The following UBE2Q1 variants were observed in gnomAD, a reference collection of about 807,000 sequenced individuals.
UBE2Q1 encodes ubiquitin conjugating enzyme E2 Q1.
In UBE2Q1, 6 loss-of-function variants were observed where a neutral mutation model predicts 60.1. That is an observed-to-expected ratio of 0.10 (90% CI 0.05 to 0.20). UBE2Q1 has a LOEUF of 0.20. Among genes scored for constraint, UBE2Q1 ranks in the 10% least tolerant of loss-of-function variants. The pLI, the probability that UBE2Q1 is intolerant of heterozygous loss-of-function variation, is 1.00. For synonymous variants in UBE2Q1, 226 were observed against 208.3 expected (o/e 1.09, Z -0.73); for missense variants, 262 against 525.8 (o/e 0.50, Z 4.91).
intron 4 of UBE2Q1, 61 bp from the exon 5 acceptor site, chr1:154,553,233 A>G (rs1028323611): frequency 4.4e-6 from 7 of 1,574,520 alleles, no homozygotes; most frequent in Non-Finnish European, 6.0e-6. Flanking sequence ...AGGTTAGAGA[A>G]TGACCATCAC....
chr1:154,555,627 A>T, intron 2 of UBE2Q1, 95 bp from the exon 3 acceptor site: 1 of 1,218,550 alleles, frequency 8.2e-7, no homozygotes, highest in African/African-American at 1.5e-5. Flanking sequence ...CACACCAATA[A>T]CTAGTTCTCT....
rs994457932 is a variant in UBE2Q1, at chr1:154,549,548, A to C, written c.*890T>G. On this transcript the variant is annotated 3_prime_UTR_variant, in exon 13 of 13. Transcript: ENST00000292211. ...GAACAGCGAAGAGTTGCAGCCACACAGCTGAGATCAGAAAAGACCACATAC... is the reference window on the plus strand; with the variant it reads ...GAACAGCGAAGAGTTGCAGCCACACCGCTGAGATCAGAAAAGACCACATAC... 1 of 152,566 alleles carries C rather than the reference A, an allele frequency of 6.6e-6. No individual in the cohort carries two copies. Among genetic ancestry groups the C allele is most frequent in the Non-Finnish European group, 1.5e-5 (1 of 68,086 alleles). The allele number at this position is 152,566 out of a possible 1,614,324, so 9.5% of individuals were successfully genotyped here. A position where few individuals can be genotyped will look rare whatever the true frequency, so the allele number is the denominator to read the frequency against.
Position 154,551,698 on chromosome 1 carries a change from T to C in UBE2Q1, c.1074+73A>G, listed in dbSNP as rs373059309. 12 of 1,591,386 alleles carry C rather than the reference T, an allele frequency of 7.5e-6. No homozygotes were observed. The African/African-American group carries it at 8.1e-5, about 11-fold the overall frequency. Reference sequence around the variant, plus strand: ...CACATCATGTCTATCACCCAGCCCGTAGGGGTGTGTGCTGTAAAGCTCAGA... The same window carrying C: ...CACATCATGTCTATCACCCAGCCCGCAGGGGTGTGTGCTGTAAAGCTCAGA... On this transcript the variant is annotated intron_variant, in intron 10 of 12. Transcript: ENST00000292211.
chr1:154,552,555 G>A (rs77412635), intron 6 of UBE2Q1, 91 bp from the exon 7 acceptor site: 21,791 of 1,521,184 alleles, frequency 0.014, 694 homozygotes, highest in African/African-American at 0.13. Context: ...GAGAGAAAAA[G>A]ATCAACAGCT....
At position 154,549,319 on chromosome 1, in the gene UBE2Q1, T is replaced by C. The variant is rs1370341017; in HGVS notation, c.*1119A>G. The C allele has an allele frequency of 2.6e-5, 4 of 152,222 alleles. No individual in the cohort carries two copies. Among genetic ancestry groups the C allele is most frequent in the African/African-American group, 9.6e-5 (4 of 41,454 alleles). The allele number at this position is 152,222 out of a possible 1,614,324, so 9.4% of individuals were successfully genotyped here. On this transcript the variant is annotated 3_prime_UTR_variant, in exon 13 of 13. Transcript: ENST00000292211. ...ACACAGGTGTATAGAACAACCCCCC[T>C]TAAAATGCTAACCCTTTCTAGTAGG... is the stretch of plus-strand genomic sequence containing the variant.
At position 154,555,775 on chromosome 1, in the gene UBE2Q1, A is replaced by G. The variant is rs1695874214; in HGVS notation, c.432+85T>C. The G allele has an allele frequency of 6.2e-6, 8 of 1,295,912 alleles. No homozygotes were observed. The Admixed American group carries it at 1.4e-4, about 23-fold the overall frequency. The allele number at this position is 1,295,912 out of a possible 1,614,324, so 80.3% of individuals were successfully genotyped here. A position where few individuals can be genotyped will look rare whatever the true frequency, so the allele number is the denominator to read the frequency against. On this transcript the variant is annotated intron_variant, in intron 2 of 12. Transcript: ENST00000292211. Reference sequence around the variant, plus strand: ...CTAAATGTTTAGCTGTGTACCGTCCACTTTTCAGGATCCCTTTCACAGGAT... The same window carrying G: ...CTAAATGTTTAGCTGTGTACCGTCCGCTTTTCAGGATCCCTTTCACAGGAT...
In UBE2Q1 at chr1:154,552,380, T is replaced by A. The variant is rs762921384; in HGVS notation, c.875+24A>T. ...ACTCACACTCCTCCTCAACTTCCTCTCCAATCCCAGAGTCCCCACTCACTT... is the reference window on the plus strand; with the variant it reads ...ACTCACACTCCTCCTCAACTTCCTCACCAATCCCAGAGTCCCCACTCACTT... On this transcript the variant is annotated intron_variant, in intron 7 of 12. Coordinates refer to ENST00000292211, the MANE Select transcript of UBE2Q1 (RefSeq NM_017582.7). 1.9e-6 allele frequency: 3 copies of A among 1,613,632 alleles called. No homozygotes were observed. In the Admixed American group the frequency reaches 5.0e-5, roughly 27 times the overall value.
chr1:154,555,082 C>T (rs1695859643), intron 3 of UBE2Q1: 2 of 506,496 alleles, frequency 3.9e-6, no homozygotes, highest in Non-Finnish European at 7.0e-6. Context: ...TTTACTTGAT[C>T]TTCTTTAGAC....
intron 1 of UBE2Q1, among the ~76,000 whole-genome samples, chr1:154,556,729 T>C (rs1695895489): frequency 6.6e-6 from 1 of 152,200 alleles, no homozygotes; most frequent in Non-Finnish European, 1.5e-5. Context: ...GTCTCCTTTA[T>C]AGCCATGGGG....
chr1:154,555,317 T>G, intron 3 of UBE2Q1, 111 bp downstream of exon 3: 1 of 915,330 alleles, frequency 1.1e-6, no homozygotes, highest in Non-Finnish European at 1.8e-6. Flanking sequence ...ACGTGTATGT[T>G]TTTGGGAGCC....
In UBE2Q1 at chr1:154,549,440, C is replaced by T. The variant is rs1339855402; in HGVS notation, c.*998G>A. 1 of 152,386 alleles carries T rather than the reference C, an allele frequency of 6.6e-6. No individual in the cohort carries two copies. Among genetic ancestry groups the T allele is most frequent in the Non-Finnish European group, 1.5e-5 (1 of 68,054 alleles). 9.4% of individuals were successfully genotyped at this position (152,386 alleles called of 1,614,324 possible). A position where few individuals can be genotyped will look rare whatever the true frequency, so the allele number is the denominator to read the frequency against. ...TTCTTTTTGATAAAGCCAAATGAAG[C>T]AAGAGAGAGGGAGGTGAGCAAAGCT... On this transcript the variant is annotated 3_prime_UTR_variant, in exon 13 of 13. Coordinates refer to ENST00000292211, the MANE Select transcript of UBE2Q1 (RefSeq NM_017582.7).
At chr1:154,552,232 C>T in intron 7 of UBE2Q1, 49 bp from the exon 8 acceptor site, 1 of 1,609,726 alleles carries the variant, frequency 6.2e-7, no homozygotes, top group South Asian at 1.1e-5. Context: ...ACCTCAGGAG[C>T]TTCATAAGGG....
rs1695768350 is a variant in UBE2Q1, at chr1:154,550,069, T to C, written c.*369A>G. 2 of 208,320 alleles carry C rather than the reference T, an allele frequency of 9.6e-6. No individual in the cohort carries two copies. Among genetic ancestry groups the C allele is most frequent in the Non-Finnish European group, 1.9e-5 (2 of 104,382 alleles). 12.9% of individuals were successfully genotyped at this position (208,320 alleles called of 1,614,324 possible). ...TACACTGTAACCAAAAAAAGCAGTG[T>C]ACATGAAATAAGAGAAAATAAATTA... On this transcript the variant is annotated 3_prime_UTR_variant, in exon 13 of 13. Transcript: ENST00000292211.
intron 7 of UBE2Q1, 105 bp from the exon 8 acceptor site, chr1:154,552,288 C>A: frequency 6.3e-7 from 1 of 1,591,504 alleles, no homozygotes; most frequent in Non-Finnish European, 8.6e-7. Context: ...ACTGCCCACA[C>A]CCGCTCCGGG....
At chr1:154,553,601 G>A (rs1695831851) in intron 4 of UBE2Q1, 1 of 162,162 alleles carries the variant, frequency 6.2e-6, no homozygotes, top group Non-Finnish European at 1.4e-5. Flanking sequence ...AGTTCTCAGG[G>A]CCCCAAGCCT....
intron 10 of UBE2Q1, 49 bp downstream of exon 10, chr1:154,551,722 G>C (rs372447821): frequency 9.3e-6 from 15 of 1,612,218 alleles, no homozygotes; most frequent in Non-Finnish European, 1.0e-5. Flanking sequence ...GTAAAGCTCA[G>C]ACAATCCCCG....
chr1:154,552,621 C>A, intron 6 of UBE2Q1, 115 bp downstream of exon 6: 1 of 1,443,090 alleles, frequency 6.9e-7, no homozygotes, highest in Non-Finnish European at 9.5e-7. Flanking sequence ...GAGCTCCATT[C>A]TTGGCCTGAA....
rs1208776824 is a variant in UBE2Q1, at chr1:154,548,807, T to TTTA, written c.*1628_*1630dup. On this transcript the variant is annotated 3_prime_UTR_variant, in exon 13 of 13. Coordinates refer to ENST00000292211, the MANE Select transcript of UBE2Q1 (RefSeq NM_017582.7). ...CGTCTTTATCTCAACCTCAGCATGT[T>TTTA]TTATTAGCACCCCTAATTAGGTGGG... is the stretch of plus-strand genomic sequence containing the variant. 6.6e-6 allele frequency: 1 copy of TTTA among 152,560 alleles called. No homozygotes were observed. The highest frequency in any genetic ancestry group is 1.5e-5 in the Non-Finnish European group (1 of 68,024). 9.5% of individuals were successfully genotyped at this position (152,560 alleles called of 1,614,324 possible).
At position 154,549,853 on chromosome 1, in the gene UBE2Q1, T is replaced by C. The variant is rs1695762307; in HGVS notation, c.*585A>G. 1 of 152,504 alleles carries C rather than the reference T, an allele frequency of 6.6e-6. No individual in the cohort carries two copies. The highest frequency in any genetic ancestry group is 1.5e-5 in the Non-Finnish European group (1 of 68,118). The allele number at this position is 152,504 out of a possible 1,614,324, so 9.4% of individuals were successfully genotyped here. On this transcript the variant is annotated 3_prime_UTR_variant, in exon 13 of 13. Transcript: ENST00000292211. ...CTTCAGCTCCAAGTTTCTCTTGCTT[T>C]AGCAGCAAAATGCGGCCTCTCATCT...
Sources: allele counts gnomAD v4.1 joint callset (sites outside exome capture counted in the v4.1 genomes callset), GRCh38; gene constraint gnomAD v4.1.1; transcripts MANE v1.5; gene names NCBI Gene and HGNC (gene_info 2026-07-23, HGNC 2026-07-21).